Variants in MBP observed in about 807,000 individuals in gnomAD.
MBP encodes Golli-MBP.
In MBP, 16 loss-of-function variants were observed where a neutral mutation model predicts 35.8. The observed-to-expected ratio is 0.45, with a 90% CI of 0.30 to 0.68. The LOEUF (loss-of-function observed/expected upper bound fraction) is 0.68. Ranked by LOEUF, MBP falls within the 30% of genes least tolerant of loss-of-function variation. The pLI is 0.08. For synonymous variants in MBP, 143 were observed against 159.6 expected, an observed-to-expected ratio of 0.90 and a Z score of 0.78; for missense variants, 380 against 404.7, an observed-to-expected ratio of 0.94 and a Z score of 0.52.
At position 76,989,746 on chromosome 18, in the gene MBP, G is replaced by A. The variant is rs1314525556; in HGVS notation, c.681+210C>T. 1.8e-6 allele frequency: 1 copy of A among 551,932 alleles called. No individual in the cohort carries two copies. Among genetic ancestry groups the A allele is most frequent in the Non-Finnish European group, 3.3e-6 (1 of 307,058 alleles). 34.2% of individuals were successfully genotyped at this position (551,932 alleles called of 1,614,324 possible). ...GAGCTCTCTGGAGAACGCACGGAGC[G>A]CACGGTGCAATCCGTGGCAGATACA... is the stretch of plus-strand genomic sequence containing the variant. On this transcript the variant is annotated intron_variant, in intron 5 of 8. Coordinates refer to ENST00000355994, the MANE Select transcript of MBP (RefSeq NM_001025101.2). This position sits in a 1 kb window ranked among gnomAD's most constrained non-coding sequence, Gnocchi z 4.0.
At chr18:77,112,055 A>C (rs892988269) in intron 1 of MBP, among the ~76,000 whole-genome samples, 1 of 152,114 alleles carries the variant, frequency 6.6e-6, no homozygotes, top group African/African-American at 2.4e-5. Context: ...TGTGTTCTGC[A>C]AGCAATCATT....
intron 3 of MBP, among the ~76,000 whole-genome samples, chr18:77,032,138 G>C (rs1408135092): frequency 6.6e-6 from 1 of 152,208 alleles, no homozygotes; most frequent in African/African-American, 2.4e-5. Flanking sequence ...CAAGGAGGCC[G>C]AGCCCTGCAG....
intron 3 of MBP, among the ~76,000 whole-genome samples, chr18:77,046,445 A>C (rs1207661195): frequency 6.6e-6 from 1 of 152,232 alleles, no homozygotes; most frequent in Non-Finnish European, 1.5e-5. Flanking sequence ...GCATGAAGAC[A>C]GTTAGGCTGA....
At chr18:76,987,291 T>C (rs1969612093) in intron 7 of MBP, 1 of 985,340 alleles carries the variant, frequency 1.0e-6, no homozygotes, top group African/African-American at 1.7e-5. Flanking sequence ...CCTGCTGGCA[T>C]AGAAAATAAA....
At chr18:77,065,466 AAC>A (rs1974157728) in intron 3 of MBP, among the ~76,000 whole-genome samples, 1 of 152,260 alleles carries the variant, frequency 6.6e-6, no homozygotes, top group African/African-American at 2.4e-5. Flanking sequence ...TTAAGCTTCC[AAC>A]ACACGAAATG....
chr18:77,130,821 G>A (rs533872735), intron 1 of MBP, among the ~76,000 whole-genome samples: 7 of 151,862 alleles, frequency 4.6e-5, no homozygotes, highest in African/African-American at 1.2e-4. Context: ...TGTAAAACAA[G>A]CGACGTGTCT....
At chr18:77,027,981 T>TA (rs1216825765) in intron 3 of MBP, among the ~76,000 whole-genome samples, 1 of 136,300 alleles carries the variant, frequency 7.3e-6, no homozygotes, top group African/African-American at 2.6e-5. Flanking sequence ...CCCCAGCTAA[T>TA]TTTTATTTAT....
rs1275280985 is a variant in MBP at position 76,980,116 on chromosome 18, C to T, written c.*311G>A. The T allele has an allele frequency of 2.8e-5, 19 of 678,322 alleles. No homozygotes were observed. Among genetic ancestry groups the T allele is most frequent in the Admixed American group, 1.5e-4 (7 of 45,584 alleles). The allele number at this position is 678,322 out of a possible 1,614,324, so 42.0% of individuals were successfully genotyped here. A position where few individuals can be genotyped will look rare whatever the true frequency, so the allele number is the denominator to read the frequency against. Reference sequence around the variant, plus strand: ...GAAAGTCCAAGGGTGGAGGGGTGAACGTGGAGGGACGTCTGTGCACCTGGC... The same window carrying T: ...GAAAGTCCAAGGGTGGAGGGGTGAATGTGGAGGGACGTCTGTGCACCTGGC... On this transcript the variant is annotated 3_prime_UTR_variant, in exon 9 of 9. Transcript: ENST00000355994.
At chr18:77,041,371 G>T (rs1482558613) in intron 3 of MBP, among the ~76,000 whole-genome samples, 1 of 152,096 alleles carries the variant, frequency 6.6e-6, no homozygotes, top group Non-Finnish European at 1.5e-5. Flanking sequence ...TCAGTGTGGC[G>T]ATTCCTCAGG....
chr18:77,077,144 C>T (rs1488725737), intron 2 of MBP, among the ~76,000 whole-genome samples: 3 of 151,748 alleles, frequency 2.0e-5, no homozygotes, highest in Non-Finnish European at 4.4e-5. Context: ...GAGGATCACC[C>T]GAGGTCAGGA....
chr18:77,018,748 TCATC>T (rs141460752), intron 3 of MBP, among the ~76,000 whole-genome samples: 17,090 of 95,472 alleles, frequency 0.18, 2,419 homozygotes, highest in East Asian at 0.34. Context: ...ATCTATCCAC[TCATC>T]CATCCATCCA....
At chr18:77,047,303 C>G (rs886257995) in intron 3 of MBP, among the ~76,000 whole-genome samples, 2 of 152,212 alleles carry the variant, frequency 1.3e-5, no homozygotes. Context: ...ATCCTCCTGT[C>G]GTAAGGAGGA....
At chr18:76,984,932 G>T (rs1162281843) in intron 7 of MBP, 38 bp from the exon 8 acceptor site, 1 of 1,608,688 alleles carries the variant, frequency 6.2e-7, no homozygotes, top group Non-Finnish European at 8.5e-7. Flanking sequence ...CTCCACCCGC[G>T]GTGCTGGGCA....
intron 1 of MBP, among the ~76,000 whole-genome samples, chr18:77,130,808 A>C (rs1047838208): frequency 6.6e-6 from 1 of 151,930 alleles, no homozygotes; most frequent in African/African-American, 2.4e-5. Flanking sequence ...ATGAGCTACC[A>C]GGTGTAAAAC....
chr18:77,066,250 C>T, intron 3 of MBP, 48 bp downstream of exon 3: 1 of 1,382,244 alleles, frequency 7.2e-7, no homozygotes, highest in Non-Finnish European at 1.0e-6. Context: ...AGTGCAGGTG[C>T]ACGCTGTCAC....
At chr18:77,124,525 C>T (rs1479195543) in intron 1 of MBP, among the ~76,000 whole-genome samples, 2 of 152,066 alleles carry the variant, frequency 1.3e-5, no homozygotes, top group African/African-American at 2.4e-5. Flanking sequence ...GCTGCACCCC[C>T]GGAAGTGGGG....
rs1976070158 is a variant in MBP, at chr18:77,102,467, C to T, written c.51+2744G>A. On this transcript the variant is annotated intron_variant, in intron 2 of 8. Transcript: ENST00000355994. The surrounding 1 kb of genome is among the most constrained non-coding windows in gnomAD (Gnocchi z 4.4). ...ACATGTACATGTACTTGGAAGGGCA[C>T]AAAATATTTCCCATCAAGTTTAAAG... Among the ~76,000 whole-genome samples the T allele has an allele frequency of 6.6e-6, 1 of 151,990 alleles. No individual in the cohort carries two copies. The highest frequency in any genetic ancestry group is 1.5e-5 in the Non-Finnish European group (1 of 68,008).
chr18:77,084,520 G>T (rs192407295), intron 2 of MBP, among the ~76,000 whole-genome samples: 26 of 149,938 alleles, frequency 1.7e-4, no homozygotes, highest in Non-Finnish European at 3.0e-4. Flanking sequence ...CCTCCAGCTG[G>T]CACCGCCCTT....
intron 1 of MBP, among the ~76,000 whole-genome samples, chr18:77,121,715 C>T (rs186274892): frequency 1.3e-5 from 2 of 152,268 alleles, no homozygotes; most frequent in East Asian, 1.9e-4. Context: ...ACGTGCTATG[C>T]CTGTTTCTGA....
Sources: gnomAD v4.1 joint callset for allele counts (sites outside exome capture counted in the v4.1 genomes callset) on GRCh38, gnomAD v4.1.1 for gene constraint, Gnocchi (gnomAD v3.1) non-coding constraint, MANE v1.5 for transcripts, NCBI Gene and HGNC (gene_info 2026-07-23, HGNC 2026-07-21) for gene names.